Variants in GALNTL6 observed in about 807,000 individuals in gnomAD.
GALNTL6 encodes the protein polypeptide N-acetylgalactosaminyltransferase like 6.
In GALNTL6, 46 loss-of-function variants were observed where a neutral mutation model predicts 73.7. The observed-to-expected ratio is 0.62, with a 90% CI of 0.49 to 0.80. GALNTL6 has a LOEUF of 0.80. Among genes scored for constraint, GALNTL6 ranks in the 30% least tolerant of loss-of-function variants. The probability of loss-of-function intolerance (pLI) is 0.00; values close to 1 mark genes in which losing one functional copy is unlikely to be tolerated. For missense variants in GALNTL6, 604 were observed against 755.0 expected, an observed-to-expected ratio of 0.80 and a Z score of 2.34; for synonymous variants, 259 against 263.7, an observed-to-expected ratio of 0.98 and a Z score of 0.17.
chr4:172,736,293 T>TC (rs756134850), intron 5 of GALNTL6, among the ~76,000 whole-genome samples: 7 of 151,916 alleles, frequency 4.6e-5, no homozygotes, highest in Non-Finnish European at 1.0e-4. Flanking sequence ...TTTAGAGACC[T>TC]CCCCCTGAGA....
chr4:172,686,990 C>G (rs949386877), intron 5 of GALNTL6, among the ~76,000 whole-genome samples: 2 of 152,164 alleles, frequency 1.3e-5, no homozygotes, highest in Non-Finnish European at 2.9e-5. Flanking sequence ...ATCACAATCC[C>G]CATTCTCCAG....
intron 3 of GALNTL6, among the ~76,000 whole-genome samples, chr4:172,255,344 A>T (rs1161897159): frequency 6.6e-6 from 1 of 151,402 alleles, no homozygotes; most frequent in Non-Finnish European, 1.5e-5. Context: ...TCATTGGTAG[A>T]GCCTGTTCAA....
At chr4:171,898,341 A>G (rs1736987056) in intron 2 of GALNTL6, among the ~76,000 whole-genome samples, 1 of 152,186 alleles carries the variant, frequency 6.6e-6, no homozygotes, top group Non-Finnish European at 1.5e-5. Flanking sequence ...GCGATTCAAC[A>G]ATCTTATTCC....
chr4:172,277,798 C>T (rs541628122), intron 3 of GALNTL6, among the ~76,000 whole-genome samples: 1 of 152,230 alleles, frequency 6.6e-6, no homozygotes, highest in East Asian at 1.9e-4. Flanking sequence ...TTGTTAAACC[C>T]TACTTATACA....
Position 172,460,059 on chromosome 4 carries a change from A to G in GALNTL6, c.553+111370A>G, listed in dbSNP as rs150384343. Among the ~76,000 whole-genome samples, 58 of 152,334 alleles carry G rather than the reference A, an allele frequency of 3.8e-4. No homozygotes were observed. The East Asian group carries it at 0.011, about 28-fold the overall frequency. On this transcript the variant is annotated intron_variant, in intron 5 of 12. Transcript: ENST00000506823. Reference sequence around the variant, plus strand: ...GGAACAGATCAGAGGCCTCAGAAATAATGCCACACATCTACAACCATCTGA... The same window carrying G: ...GGAACAGATCAGAGGCCTCAGAAATGATGCCACACATCTACAACCATCTGA...
chr4:172,746,312 TA>T (rs10714813), intron 5 of GALNTL6, among the ~76,000 whole-genome samples: 76,463 of 151,720 alleles, frequency 0.5, 20,164 homozygotes, highest in African/African-American at 0.67. Flanking sequence ...TAGTAGTTGT[TA>T]ACAACAATGG....
chr4:172,595,803 A>G (rs1459812320), intron 5 of GALNTL6, among the ~76,000 whole-genome samples: 1 of 152,168 alleles, frequency 6.6e-6, no homozygotes, highest in Non-Finnish European at 1.5e-5. Flanking sequence ...TGGACCAGTT[A>G]ACACTGAATG....
intron 8 of GALNTL6, among the ~76,000 whole-genome samples, chr4:172,892,505 G>A (rs575174873): frequency 6.6e-6 from 1 of 152,134 alleles, no homozygotes; most frequent in African/African-American, 2.4e-5. Flanking sequence ...TTCAGGATGC[G>A]AACCAGTAGA....
intron 5 of GALNTL6, among the ~76,000 whole-genome samples, chr4:172,606,246 G>A (rs940204832): frequency 3.3e-5 from 5 of 151,778 alleles, no homozygotes; most frequent in African/African-American, 1.2e-4. Flanking sequence ...TTAGAGGTCG[G>A]GAGTTCCAGA....
intron 10 of GALNTL6, among the ~76,000 whole-genome samples, chr4:172,986,327 G>A (rs183232577): frequency 6.6e-6 from 1 of 152,318 alleles, no homozygotes; most frequent in African/African-American, 2.4e-5. Flanking sequence ...AATGATGTTA[G>A]TACTCTCATC....
chr4:172,879,879 A>C lies in GALNTL6; in HGVS notation c.924-2911A>C, dbSNP rs1745369879. ...AATTGATAAGCCTCTAGCCAGACTT[A>C]CTAGGAAAAAAGAGAAATGATACAA... On this transcript the variant is annotated intron_variant, in intron 7 of 12. Coordinates refer to ENST00000506823, the MANE Select transcript of GALNTL6 (RefSeq NM_001034845.3). 2.0e-5 allele frequency among the ~76,000 whole-genome samples: 3 copies of C among 152,042 alleles called. No homozygotes were observed. In the South Asian group the frequency reaches 6.2e-4, roughly 31 times the overall value.
At chr4:172,202,497 A>G (rs1383648922) in intron 2 of GALNTL6, among the ~76,000 whole-genome samples, 1 of 152,216 alleles carries the variant, frequency 6.6e-6, no homozygotes, top group African/African-American at 2.4e-5. Context: ...GTATATAGAA[A>G]CACAAATATT....
chr4:172,228,249 T>G (rs1365419939), intron 2 of GALNTL6, among the ~76,000 whole-genome samples: 4 of 152,168 alleles, frequency 2.6e-5, no homozygotes, highest in Non-Finnish European at 4.4e-5. Context: ...TAACTTTTGT[T>G]TCATCTTCCT....
intron 2 of GALNTL6, among the ~76,000 whole-genome samples, chr4:171,903,282 G>A (rs543906837): frequency 6.6e-6 from 1 of 152,200 alleles, no homozygotes; most frequent in South Asian, 2.1e-4. Context: ...GTCAGTGGGT[G>A]CGCGCACCGT....
intron 10 of GALNTL6, among the ~76,000 whole-genome samples, chr4:172,974,376 A>G (rs890757192): frequency 2.9e-4 from 44 of 152,114 alleles, no homozygotes; most frequent in African/African-American, 1.0e-3. Flanking sequence ...ATTATTAGTT[A>G]CCTAGAGTAC....
chr4:172,629,453 T>TACTC (rs1374404436), intron 5 of GALNTL6, among the ~76,000 whole-genome samples: 1 of 152,194 alleles, frequency 6.6e-6, no homozygotes, highest in Non-Finnish European at 1.5e-5. Context: ...TAATTATTAA[T>TACTC]ACTCTTTTGG....
chr4:172,166,958 A>G (rs1579204389), intron 2 of GALNTL6, among the ~76,000 whole-genome samples: 1 of 152,184 alleles, frequency 6.6e-6, no homozygotes, highest in Non-Finnish European at 1.5e-5. Context: ...TGAACAGAGC[A>G]TTGGAGTAGG....
At chr4:172,732,539 A>G (rs1257563223) in intron 5 of GALNTL6, among the ~76,000 whole-genome samples, 2 of 152,168 alleles carry the variant, frequency 1.3e-5, no homozygotes, top group Non-Finnish European at 2.9e-5. Flanking sequence ...GTTATTATTG[A>G]TAAGAACTTA....
At chr4:171,969,059 A>T (rs1211405830) in intron 2 of GALNTL6, among the ~76,000 whole-genome samples, 1 of 151,734 alleles carries the variant, frequency 6.6e-6, no homozygotes, top group Non-Finnish European at 1.5e-5. Context: ...CTGGTCTCGA[A>T]CTCCTGACCT....
Sources: gnomAD v4.1 joint callset for allele counts (sites outside exome capture counted in the v4.1 genomes callset) on GRCh38, gnomAD v4.1.1 for gene constraint, MANE v1.5 for transcripts, NCBI Gene and HGNC (gene_info 2026-07-23, HGNC 2026-07-21) for gene names.